The following IWS1 variants were observed in gnomAD, a reference collection of about 807,000 sequenced individuals.
The protein encoded by IWS1 is interacts with SUPT6H, CTD assembly factor 1.
Under a neutral mutation model 86.7 loss-of-function variants are expected in IWS1, and 27 were observed. The ratio of observed to expected loss-of-function variants is 0.31; its 90% CI spans 0.23 to 0.43. IWS1 has a LOEUF of 0.43. IWS1 is among the 20% of genes least tolerant of loss of function. The pLI is 1.00. For synonymous variants in IWS1, 313 were observed against 335.1 expected, an observed-to-expected ratio of 0.93 and a Z score of 0.72; for missense variants, 827 against 1,000.8, an observed-to-expected ratio of 0.83 and a Z score of 2.34.
chr2:127,483,631 CGTGTGTGTGTGT>C (rs374712537), intron 13 of IWS1, among the ~76,000 whole-genome samples: 2 of 39,876 alleles, frequency 5.0e-5, no homozygotes, highest in Middle Eastern at 0.015. Flanking sequence ...TGTGCGTGTG[CGTGTGTGTGTGT>C]GTGTGTTTTC....
intron 13 of IWS1, among the ~76,000 whole-genome samples, chr2:127,483,574 G>GGGGT (rs1301123151): frequency 8.5e-5 from 4 of 46,996 alleles, no homozygotes; most frequent in African/African-American, 2.7e-4. Context: ...ATTTGGTCGG[G>GGGGT]GCGGGGGGTG....
Position 127,486,534 on chromosome 2 carries a change from C to T in IWS1, c.2328+19G>A, listed in dbSNP as rs202115878. 2.9e-5 allele frequency: 45 copies of T among 1,556,294 alleles called. No homozygotes were observed. Among genetic ancestry groups the T allele is most frequent in the East Asian group, 4.5e-5 (2 of 44,560 alleles). ...AATCTGCAGGTGAGATCCACCTTGC[C>T]GATCCTCCGCTTGCTTACCCTGGAT... On this transcript the variant is annotated intron_variant, in intron 13 of 13. Transcript: ENST00000295321.
intron 6 of IWS1, among the ~76,000 whole-genome samples, chr2:127,497,763 TA>T (rs1690589846): frequency 6.6e-6 from 1 of 152,208 alleles, no homozygotes; most frequent in Admixed American, 6.5e-5. Context: ...TCAACTAAAG[TA>T]AGTGAAATAT....
rs1692425467 is a variant in IWS1, at chr2:127,526,444, C to T, written c.-236G>A. On this transcript the variant is annotated 5_prime_UTR_variant, in exon 1 of 14. Transcript: ENST00000295321. The stretch of plus-strand genomic sequence containing the variant: ...CTGGCGGGCGGGCAGGCATGCGAGC[C>T]GGCGTTCTACTTCCTAGAAGCACCG... 11 of 1,534,436 alleles carry T rather than the reference C, an allele frequency of 7.2e-6. No individual in the cohort carries two copies. Among genetic ancestry groups the T allele is most frequent in the Admixed American group, 2.0e-5 (1 of 50,700 alleles).
chr2:127,515,839 T>A (rs1691736300), intron 2 of IWS1, among the ~76,000 whole-genome samples: 1 of 152,166 alleles, frequency 6.6e-6, no homozygotes, highest in Admixed American at 6.5e-5. Context: ...TCCTTCTCCA[T>A]CCTGCTTCAG....
intron 8 of IWS1, chr2:127,494,484 AG>A (rs1690408981): frequency 6.5e-6 from 1 of 154,180 alleles, no homozygotes; most frequent in Non-Finnish European, 1.4e-5. Context: ...ATTAGTGGCC[AG>A]GTGCAGTGGC....
At chr2:127,506,609 G>A (rs1691164401) in intron 2 of IWS1, 1 of 163,918 alleles carries the variant, frequency 6.1e-6, no homozygotes. Context: ...CCCACTAAGA[G>A]CCAATACCAC....
In IWS1 at chr2:127,489,574, TG is replaced by T; in HGVS notation, c.2159+257del. ...CCAGAAAGTTGTTTTCTCAAGTGGA[TG>T]GAACAACACAAGCAATCAGTATCCT... On this transcript the variant is annotated intron_variant, in intron 11 of 13. Transcript: ENST00000295321. This position sits in a 1 kb window ranked among gnomAD's most constrained non-coding sequence, Gnocchi z 4.8. 1 of 526,444 alleles carries T rather than the reference TG, an allele frequency of 1.9e-6. No homozygotes were observed. The highest frequency in any genetic ancestry group is 2.7e-5 in the South Asian group (1 of 37,122). 32.6% of individuals were successfully genotyped at this position (526,444 alleles called of 1,614,324 possible).
chr2:127,507,830 C>T (rs1175817258), intron 2 of IWS1, among the ~76,000 whole-genome samples: 1 of 152,190 alleles, frequency 6.6e-6, no homozygotes, highest in African/African-American at 2.4e-5. Flanking sequence ...TGAGCACTGA[C>T]ATGACACCAC....
intron 2 of IWS1, among the ~76,000 whole-genome samples, chr2:127,515,382 C>T (rs1023689551): frequency 3.9e-5 from 6 of 152,218 alleles, no homozygotes; most frequent in African/African-American, 1.4e-4. Flanking sequence ...GAAAGCAACA[C>T]AAGGCTGCTC....
At chr2:127,485,340 G>C (rs781180948) in intron 13 of IWS1, among the ~76,000 whole-genome samples, 9 of 152,160 alleles carry the variant, frequency 5.9e-5, no homozygotes, top group Non-Finnish European at 1.2e-4. Context: ...GGTGCCATTA[G>C]TCTCAAAGCA....
upstream of IWS1, chr2:127,526,852 A>G: frequency 2.5e-6 from 1 of 401,980 alleles, no homozygotes; most frequent in Non-Finnish European, 4.6e-6. Context: ...GCAGTAGGCA[A>G]GAAAGCGGGC....
At chr2:127,523,498 C>A (rs1344144145) in intron 2 of IWS1, among the ~76,000 whole-genome samples, 178 bp downstream of exon 2, 1 of 152,196 alleles carries the variant, frequency 6.6e-6, no homozygotes, top group East Asian at 1.9e-4. Context: ...ACTGTGATTT[C>A]AACAGTAACC....
intron 5 of IWS1, chr2:127,501,794 C>G (rs567819968): frequency 1.3e-5 from 2 of 148,174 alleles, no homozygotes; most frequent in Admixed American, 1.4e-4. Context: ...GCTCCAGCTA[C>G]CCCCAAGCCT....
At position 127,505,121 on chromosome 2, in the gene IWS1, C is replaced by T. The variant is rs1691055035; in HGVS notation, c.782G>A (p.Ser261Asn). Residue 261 changes from serine to asparagine, a missense_variant, in exon 3 of 14, where the codon AGT becomes AAT. This residue lies in a region of IWS1 where 548 missense variants were observed against 560.2 expected (regional missense o/e 0.98). Transcript: ENST00000295321. This position sits in a 1 kb window ranked among gnomAD's most constrained non-coding sequence, Gnocchi z 5.0. Reference sequence around the variant, plus strand: ...GGGAAGCTCTTCATTTTCTGAGTCACTGGCCTGGTGCCTCGGAGGGTCCTC... The same window carrying T: ...GGGAAGCTCTTCATTTTCTGAGTCATTGGCCTGGTGCCTCGGAGGGTCCTC... ...ESEDPPRHQA[S>N]DSENEELPKP... is the part of the protein sequence containing the mutation. 2 of 1,610,678 alleles carry T rather than the reference C, an allele frequency of 1.2e-6. No individual in the cohort carries two copies. Among genetic ancestry groups the T allele is most frequent in the African/African-American group, 1.3e-5 (1 of 74,644 alleles).
chr2:127,514,761 T>C (rs1691679492), intron 2 of IWS1: 1 of 152,586 alleles, frequency 6.6e-6, no homozygotes, highest in Admixed American at 6.5e-5. Flanking sequence ...CGCCTGGCTG[T>C]GTGCTGTAAC....
chr2:127,515,098 A>G (rs334137), intron 2 of IWS1, among the ~76,000 whole-genome samples: 131,546 of 152,288 alleles, frequency 0.86, 57,032 homozygotes, highest in East Asian at 1. Context: ...CAGTTTAATC[A>G]CTCATTTTCT....
At position 127,481,124 on chromosome 2, in the gene IWS1, T is replaced by C; in HGVS notation, c.2380A>G (p.Lys794Glu). The C allele has an allele frequency of 6.2e-7, 1 of 1,612,566 alleles. No homozygotes were observed. The highest frequency in any genetic ancestry group is 8.5e-7 in the Non-Finnish European group (1 of 1,179,576). ...CTTTTTTTCCTTATATCTGTGAACTTTCTCATCTGTTTATCCAGTCGACTG... is the reference window on the plus strand; with the variant it reads ...CTTTTTTTCCTTATATCTGTGAACTCTCTCATCTGTTTATCCAGTCGACTG... Reference protein sequence around the residue: ...GISRLDKQMRKFTDIRKKSRS... With the variant: ...GISRLDKQMREFTDIRKKSRS... The change falls in exon 14 of 14, where the codon AAG becomes GAG. Residue 794 changes from lysine (K) to glutamate (E), a missense_variant. Coordinates refer to ENST00000295321, the MANE Select transcript of IWS1 (RefSeq NM_017969.3).
intron 8 of IWS1, 146 bp from the exon 9 acceptor site, chr2:127,493,556 T>C: frequency 1.5e-6 from 1 of 675,606 alleles, no homozygotes; most frequent in Non-Finnish European, 2.3e-6. Flanking sequence ...ACCATTCTGG[T>C]TTCGAAAGCA....
Sources: allele counts gnomAD v4.1 joint callset (sites outside exome capture counted in the v4.1 genomes callset), GRCh38; gene constraint gnomAD v4.1.1; regional missense constraint gnomAD v4.1.1; non-coding constraint Gnocchi (gnomAD v3.1); transcripts MANE v1.5; gene names NCBI Gene and HGNC (gene_info 2026-07-23, HGNC 2026-07-21).